Variants in ALG10B observed in about 807,000 individuals in gnomAD.
The protein encoded by ALG10B is ALG10 alpha-1,2-glucosyltransferase B.
In ALG10B, 27 loss-of-function variants were observed where a neutral mutation model predicts 38.7. That is an observed-to-expected ratio of 0.70 (90% CI 0.51 to 0.96). ALG10B has a LOEUF of 0.96. ALG10B is among the 40% of genes least tolerant of loss of function. The pLI is 0.00. For synonymous variants in ALG10B, 177 were observed against 193.3 expected, an observed-to-expected ratio of 0.92 and a Z score of 0.70; for missense variants, 522 against 542.7, an observed-to-expected ratio of 0.96 and a Z score of 0.38.
At position 38,322,706 on chromosome 12, in the gene ALG10B, A is replaced by T. The variant is rs1241500500; in HGVS notation, c.*1493A>T. ...CATGTTGTGTAATAGATCTAAAAAAAGTCAAACATATTCCTTCTATCTAAT... is the reference window on the plus strand; with the variant it reads ...CATGTTGTGTAATAGATCTAAAAAATGTCAAACATATTCCTTCTATCTAAT... On this transcript the variant is annotated 3_prime_UTR_variant, in exon 3 of 3. Coordinates refer to ENST00000308742, the MANE Select transcript of ALG10B (RefSeq NM_001013620.4). 6.6e-6 allele frequency: 1 copy of T among 152,198 alleles called. No individual in the cohort carries two copies. Among genetic ancestry groups the T allele is most frequent in the Admixed American group, 6.5e-5 (1 of 15,272 alleles). 9.4% of individuals were successfully genotyped at this position (152,198 alleles called of 1,614,324 possible).
At position 38,324,915 on chromosome 12, in the gene ALG10B, A is replaced by G. The variant is rs1012571762; in HGVS notation, c.*3702A>G. 1 of 152,228 alleles carries G rather than the reference A, an allele frequency of 6.6e-6. No individual in the cohort carries two copies. The highest frequency in any genetic ancestry group is 1.5e-5 in the Non-Finnish European group (1 of 68,016). 9.4% of individuals were successfully genotyped at this position (152,228 alleles called of 1,614,324 possible). A position where few individuals can be genotyped will look rare whatever the true frequency, so the allele number is the denominator to read the frequency against. On this transcript the variant is annotated 3_prime_UTR_variant, in exon 3 of 3. Transcript: ENST00000308742. ...CCTGCTCGAGGGCATCTGGAGCCCT[A>G]CAGTTACCATTACTAAAGTCTGTGA...
Position 38,324,488 on chromosome 12 carries a change from A to C in ALG10B, c.*3275A>C, listed in dbSNP as rs1945727722. On this transcript the variant is annotated 3_prime_UTR_variant, in exon 3 of 3. Coordinates refer to ENST00000308742, the MANE Select transcript of ALG10B (RefSeq NM_001013620.4). ...TTAAGAAAAGAATGCCATGTATTAA[A>C]AGGTGCTATTTTCAACTATTTATTA... 1 of 152,292 alleles carries C rather than the reference A, an allele frequency of 6.6e-6. No homozygotes were observed. The highest frequency in any genetic ancestry group is 2.4e-5 in the African/African-American group (1 of 41,462). 9.4% of individuals were successfully genotyped at this position (152,292 alleles called of 1,614,324 possible). A position where few individuals can be genotyped will look rare whatever the true frequency, so the allele number is the denominator to read the frequency against.
chr12:38,320,361 C>G lies in ALG10B; in HGVS notation c.570C>G (p.Ile190Met). The G allele has an allele frequency of 1.9e-6, 3 of 1,614,052 alleles. No individual in the cohort carries two copies. Among genetic ancestry groups the G allele is most frequent in the Non-Finnish European group, 2.5e-6 (3 of 1,179,976 alleles). The part of the protein sequence containing the change: ...FCGFMFRQTN[I>M]IWAVFCAGNV... ...GCTTCATGTTTCGGCAAACAAATATCATCTGGGCTGTCTTCTGTGCAGGGA... is the reference window on the plus strand; with the variant it reads ...GCTTCATGTTTCGGCAAACAAATATGATCTGGGCTGTCTTCTGTGCAGGGA... The change falls in exon 3 of 3, where the codon ATC (isoleucine) becomes ATG (methionine). Residue 190 changes from isoleucine (I) to methionine (M), a missense_variant. Transcript: ENST00000308742.
rs191752256 is a variant in ALG10B at position 38,324,131 on chromosome 12, C to T, written c.*2918C>T. 71 of 530,388 alleles carry T rather than the reference C, an allele frequency of 1.3e-4. No individual in the cohort carries two copies. The highest frequency in any genetic ancestry group is 1.2e-3 in the African/African-American group (61 of 52,252). 32.9% of individuals were successfully genotyped at this position (530,388 alleles called of 1,614,324 possible). On this transcript the variant is annotated 3_prime_UTR_variant, in exon 3 of 3. Transcript: ENST00000308742. ...CACTGAAACCTCCACCTCCTGGGTT[C>T]AAGCAGTTCTCCTGCCTCAGCCTCC... is the stretch of plus-strand genomic sequence containing the variant.
chr12:38,316,757 C>T, upstream of ALG10B: 1 of 1,454,380 alleles, frequency 6.9e-7, no homozygotes, highest in Non-Finnish European at 9.6e-7. Context: ...CTCCCAGCAT[C>T]CTTTGCCTTC....
rs1351556232 is a variant in ALG10B at position 38,326,110 on chromosome 12, T to C, written c.*4897T>C. 1 of 152,142 alleles carries C rather than the reference T, an allele frequency of 6.6e-6. No homozygotes were observed. Among genetic ancestry groups the C allele is most frequent in the Non-Finnish European group, 1.5e-5 (1 of 68,006 alleles). 9.4% of individuals were successfully genotyped at this position (152,142 alleles called of 1,614,324 possible). A position where few individuals can be genotyped will look rare whatever the true frequency, so the allele number is the denominator to read the frequency against. On this transcript the variant is annotated 3_prime_UTR_variant, in exon 3 of 3. Coordinates refer to ENST00000308742, the MANE Select transcript of ALG10B (RefSeq NM_001013620.4). ...GGCCACATGCAGCCCAGGATGGCTT[T>C]GAATGCGGCCCCAACACAAATTTTG...
chr12:38,318,765 G>T (rs1024627891), intron 2 of ALG10B, among the ~76,000 whole-genome samples: 1 of 152,208 alleles, frequency 6.6e-6, no homozygotes, highest in Non-Finnish European at 1.5e-5. Flanking sequence ...AAATGAGGCA[G>T]TCTTTTTCTT....
Position 38,320,828 on chromosome 12 carries a change from A to G in ALG10B, c.1037A>G (p.Tyr346Cys). ...TGGAAATTCACTTATGCTCATAAAT[A>G]CTTGCTAGCAGACAATAGACATTAT... ...LVWKFTYAHK[Y>C]LLADNRHYTF... The change falls in exon 3 of 3, where the codon TAC (tyrosine) becomes TGC (cysteine). Residue 346 changes from tyrosine to cysteine, a missense_variant. Physicochemically the swap from Tyr to Cys is radical, Grantham distance 194. Coordinates refer to ENST00000308742, the MANE Select transcript of ALG10B (RefSeq NM_001013620.4). 1.9e-6 allele frequency: 3 copies of G among 1,613,778 alleles called. No homozygotes were observed. Among genetic ancestry groups the G allele is most frequent in the Non-Finnish European group, 2.5e-6 (3 of 1,179,880 alleles).
chr12:38,323,019 C>T lies in ALG10B; in HGVS notation c.*1806C>T, dbSNP rs1217026234. On this transcript the variant is annotated 3_prime_UTR_variant, in exon 3 of 3. Coordinates refer to ENST00000308742, the MANE Select transcript of ALG10B (RefSeq NM_001013620.4). ...CTTTATCCATTCATCCATGGATGGA[C>T]ACTTAGGTTGATCGAATCACTTGGT... The T allele has an allele frequency of 6.6e-6, 1 of 152,094 alleles. No individual in the cohort carries two copies. The highest frequency in any genetic ancestry group is 6.5e-5 in the Admixed American group (1 of 15,270). 9.4% of individuals were successfully genotyped at this position (152,094 alleles called of 1,614,324 possible). A position where few individuals can be genotyped will look rare whatever the true frequency, so the allele number is the denominator to read the frequency against.
Position 38,323,773 on chromosome 12 carries a change from A to C in ALG10B, c.*2560A>C, listed in dbSNP as rs1195745534. 1 of 634,534 alleles carries C rather than the reference A, an allele frequency of 1.6e-6. No homozygotes were observed. Among genetic ancestry groups the C allele is most frequent in the African/African-American group, 1.8e-5 (1 of 54,620 alleles). 39.3% of individuals were successfully genotyped at this position (634,534 alleles called of 1,614,324 possible). ...TCTTAAAAATTAGATGAGAGAGGAC[A>C]CTCAAAGAAATTATACTTTTGTCAT... On this transcript the variant is annotated 3_prime_UTR_variant, in exon 3 of 3. Transcript: ENST00000308742.
Position 38,328,602 on chromosome 12 carries a change from C to T in ALG10B, c.*7389C>T, listed in dbSNP as rs1187920495. 6.6e-6 allele frequency: 1 copy of T among 151,992 alleles called. No individual in the cohort carries two copies. The highest frequency in any genetic ancestry group is 1.5e-5 in the Non-Finnish European group (1 of 67,984). The allele number at this position is 151,992 out of a possible 1,614,324, so 9.4% of individuals were successfully genotyped here. On this transcript the variant is annotated 3_prime_UTR_variant, in exon 3 of 3. Transcript: ENST00000308742. Reference sequence around the variant, plus strand: ...TATAGTGTTTTATTGTTTTAAACCACAAAGATTTATAATCATTTATATCTA... The same window carrying T: ...TATAGTGTTTTATTGTTTTAAACCATAAAGATTTATAATCATTTATATCTA...
chr12:38,321,047 T>C lies in ALG10B; in HGVS notation c.1256T>C (p.Ile419Thr), dbSNP rs567006133. Residue 419 changes from isoleucine to threonine, a missense_variant, in exon 3 of 3, where the codon ATT (isoleucine) becomes ACT (threonine). Physicochemically the swap from Ile to Thr is moderately conservative, Grantham distance 89 (BLOSUM62 -1). Coordinates refer to ENST00000308742, the MANE Select transcript of ALG10B (RefSeq NM_001013620.4). The stretch of plus-strand genomic sequence containing the variant: ...AAACTGCTGGAATTTCGTTACTTCA[T>C]TTTACCTTATGTCATTTATAGGCTT... ...PQKLLEFRYFILPYVIYRLNI... is the reference protein window; with the variant it reads ...PQKLLEFRYFTLPYVIYRLNI... The C allele has an allele frequency of 1.9e-6, 3 of 1,613,572 alleles. No individual in the cohort carries two copies.
Position 38,328,959 on chromosome 12 carries a change from G to A in ALG10B, c.*7746G>A, listed in dbSNP as rs1945770091. 5.5e-6 allele frequency: 2 copies of A among 365,302 alleles called. No homozygotes were observed. Among genetic ancestry groups the A allele is most frequent in the Non-Finnish European group, 9.7e-6 (2 of 205,828 alleles). The allele number at this position is 365,302 out of a possible 1,614,324, so 22.6% of individuals were successfully genotyped here. ...ACATGGGGAAACTTAGTATAGAGAG[G>A]TGAAGTATTTTTTCCAAGATTACAA... On this transcript the variant is annotated 3_prime_UTR_variant, in exon 3 of 3. Coordinates refer to ENST00000308742, the MANE Select transcript of ALG10B (RefSeq NM_001013620.4).
In ALG10B at chr12:38,325,667, G is replaced by A. The variant is rs1269688024; in HGVS notation, c.*4454G>A. 2 of 152,116 alleles carry A rather than the reference G, an allele frequency of 1.3e-5. No homozygotes were observed. Among genetic ancestry groups the A allele is most frequent in the East Asian group, 3.8e-4 (2 of 5,198 alleles). 9.4% of individuals were successfully genotyped at this position (152,116 alleles called of 1,614,324 possible). ...AATATGACTTAGGAACTGTGGGCTT[G>A]TAGAAAAAAACATTTAACATGGGAG... is the stretch of plus-strand genomic sequence containing the variant. On this transcript the variant is annotated 3_prime_UTR_variant, in exon 3 of 3. Coordinates refer to ENST00000308742, the MANE Select transcript of ALG10B (RefSeq NM_001013620.4).
At position 38,326,573 on chromosome 12, in the gene ALG10B, T is replaced by C. The variant is rs1476409235; in HGVS notation, c.*5360T>C. ...TTATTTCTATTTAAAATAAGAAAAA[T>C]CAGTAACCTTCAACGAATAACAGGT... On this transcript the variant is annotated 3_prime_UTR_variant, in exon 3 of 3. Coordinates refer to ENST00000308742, the MANE Select transcript of ALG10B (RefSeq NM_001013620.4). 2 of 139,354 alleles carry C rather than the reference T, an allele frequency of 1.4e-5. No homozygotes were observed. The highest frequency in any genetic ancestry group is 2.8e-5 in the African/African-American group (1 of 36,136). 8.6% of individuals were successfully genotyped at this position (139,354 alleles called of 1,614,324 possible). A position where few individuals can be genotyped will look rare whatever the true frequency, so the allele number is the denominator to read the frequency against.
Position 38,320,231 on chromosome 12 carries a change from A to T in ALG10B, c.440A>T (p.Asn147Ile). The change falls in exon 3 of 3, where the codon AAC (asparagine) becomes ATC (isoleucine). Residue 147 changes from asparagine (N) to isoleucine (I), a missense_variant. Coordinates refer to ENST00000308742, the MANE Select transcript of ALG10B (RefSeq NM_001013620.4). Reference protein sequence around the residue: ...LAVFPTLYFFNFLYYTEAGSM... With the variant: ...LAVFPTLYFFIFLYYTEAGSM... ...GTATTTCCAACACTTTATTTTTTTA[A>T]CTTCCTTTATTATACAGAAGCAGGA... 6.2e-7 allele frequency: 1 copy of T among 1,613,874 alleles called. No individual in the cohort carries two copies. Among genetic ancestry groups the T allele is most frequent in the Non-Finnish European group, 8.5e-7 (1 of 1,179,880 alleles).
At chr12:38,317,188 A>G (rs1447448356) in intron 1 of ALG10B, 124 bp downstream of exon 1, 1 of 1,345,706 alleles carries the variant, frequency 7.4e-7, no homozygotes, top group Admixed American at 2.1e-5. Context: ...AGAACATGAA[A>G]GAAACTGGGT....
Position 38,316,962 on chromosome 12 carries a change from C to A in ALG10B, c.69C>A (p.Leu23=). Residue 23 remains leucine (L), a synonymous_variant, in exon 1 of 3, where the codon CTC becomes CTA. Coordinates refer to ENST00000308742, the MANE Select transcript of ALG10B (RefSeq NM_001013620.4). The part of the protein sequence containing the change: ...LSCTFLVSCL[L]FSAFSRALRE... ...GTACCTTTTTAGTGTCCTGCCTCCT[C>A]TTCTCCGCCTTCAGCCGGGCGCTGC... 1 of 1,614,184 alleles carries A rather than the reference C, an allele frequency of 6.2e-7. No individual in the cohort carries two copies. Among genetic ancestry groups the A allele is most frequent in the Non-Finnish European group, 8.5e-7 (1 of 1,180,042 alleles).
intron 2 of ALG10B, among the ~76,000 whole-genome samples, chr12:38,318,753 A>G (rs1176104651): frequency 6.6e-6 from 1 of 152,218 alleles, no homozygotes; most frequent in East Asian, 1.9e-4. Context: ...GACTACAGAG[A>G]TAAATGAGGC....
Sources: allele counts gnomAD v4.1 joint callset (sites outside exome capture counted in the v4.1 genomes callset), GRCh38; gene constraint gnomAD v4.1.1; transcripts MANE v1.5; gene names NCBI Gene and HGNC (gene_info 2026-07-23, HGNC 2026-07-21).